TEX14: variants seen among roughly 807,000 people sequenced by gnomAD.
TEX14 encodes the protein testis expressed 14, intercellular bridge forming factor.
TEX14 carries 168 observed loss-of-function variants against 178.6 expected under a neutral mutation model. The observed-to-expected ratio is 0.94, with a 90% CI of 0.83 to 1.07. The LOEUF is 1.07. Ranked by LOEUF, TEX14 falls within the 50% of genes least tolerant of loss-of-function variation. The pLI is 0.00. For missense variants in TEX14, 1,730 were observed against 1,753.6 expected (o/e 0.99, Z 0.24); for synonymous variants, 626 against 634.1 (o/e 0.99, Z 0.19).
intron 26 of TEX14, among the ~76,000 whole-genome samples, chr17:58,567,111 G>A (rs1287774466): frequency 6.6e-6 from 1 of 152,196 alleles, no homozygotes; most frequent in Non-Finnish European, 1.5e-5. Flanking sequence ...AGGTTGCAGT[G>A]AGCTGAGATC....
chr17:58,573,137 G>T (rs1218901774), intron 23 of TEX14, 44 bp downstream of exon 23: 2 of 1,608,048 alleles, frequency 1.2e-6, no homozygotes, highest in Non-Finnish European at 1.7e-6. Context: ...ATGGGCTGGG[G>T]CTGTAAGTCC....
chr17:58,607,784 C>T (rs1447328782), intron 10 of TEX14, among the ~76,000 whole-genome samples: 1 of 152,240 alleles, frequency 6.6e-6, no homozygotes, highest in East Asian at 1.9e-4. Context: ...GTCAACCCTG[C>T]TCTGAACCAT....
intron 19 of TEX14, among the ~76,000 whole-genome samples, chr17:58,582,899 CT>C: frequency 6.6e-6 from 1 of 151,594 alleles, no homozygotes; most frequent in East Asian, 1.9e-4. Flanking sequence ...TGCTCCACCC[CT>C]TTTTTCCTGC....
rs1429852711 is a variant in TEX14, at chr17:58,602,584, A to G, written c.1343T>C (p.Ile448Thr). Reference sequence around the variant, plus strand: ...TGAGCCATCTAAGCCCTTCCAGGGTATGTCATCTGTAAGGAAAAAGTCATA... The same window carrying G: ...TGAGCCATCTAAGCCCTTCCAGGGTGTGTCATCTGTAAGGAAAAAGTCATA... ...MIMQEILTDD[I>T]PWKGLDGSVV... is the part of the protein sequence containing the mutation. Residue 448 changes from isoleucine to threonine, a missense_variant, in exon 12 of 32, where the codon ATA becomes ACA. Physicochemically the swap from Ile to Thr is moderately conservative, Grantham distance 89. Transcript: ENST00000349033. 3.1e-6 allele frequency: 5 copies of G among 1,609,714 alleles called. No individual in the cohort carries two copies. The highest frequency in any genetic ancestry group is 4.2e-6 in the Non-Finnish European group (5 of 1,177,838).
chr17:58,586,530 G>A (rs1459742645), intron 17 of TEX14, among the ~76,000 whole-genome samples: 2 of 152,110 alleles, frequency 1.3e-5, no homozygotes, highest in Non-Finnish European at 2.9e-5. Context: ...AAACACTTCT[G>A]CTAATGTCAC....
At chr17:58,631,724 C>A (rs137999937) in intron 2 of TEX14, 1 of 147,494 alleles carries the variant, frequency 6.8e-6, no homozygotes, top group Non-Finnish European at 1.5e-5. Flanking sequence ...ACACTGCTAT[C>A]CCACTCGTGA....
At chr17:58,557,743 G>A (rs1432901234) in intron 31 of TEX14, 56 bp downstream of exon 31, 2 of 1,391,402 alleles carry the variant, frequency 1.4e-6, no homozygotes, top group Non-Finnish European at 2.0e-6. Context: ...TTTTAAGTCT[G>A]CTTCTGTTGT....
At chr17:58,589,713 C>A (rs1296635638) in intron 15 of TEX14, among the ~76,000 whole-genome samples, 20 of 150,180 alleles carry the variant, frequency 1.3e-4, no homozygotes, top group Non-Finnish European at 2.2e-4. Flanking sequence ...AAATAAAATT[C>A]TTTTGGAGAT....
intron 1 of TEX14, among the ~76,000 whole-genome samples, chr17:58,670,179 T>C (rs1007650227): frequency 6.6e-6 from 1 of 152,212 alleles, no homozygotes; most frequent in Non-Finnish European, 1.5e-5. Context: ...TTAGTCTTTA[T>C]CTTCAGTCCA....
intron 2 of TEX14, among the ~76,000 whole-genome samples, chr17:58,647,614 CAAAAAAA>C (rs67832814): frequency 8.7e-6 from 1 of 115,348 alleles, no homozygotes; most frequent in South Asian, 2.6e-4. Flanking sequence ...TGAGGTCAGG[CAAAAAAA>C]AAAAAAAAAA....
chr17:58,606,576 G>A (rs2045612087), intron 10 of TEX14, among the ~76,000 whole-genome samples: 4 of 152,098 alleles, frequency 2.6e-5, no homozygotes, highest in South Asian at 2.1e-4. Flanking sequence ...TAGTTATATT[G>A]CTGAAAAGTC....
intron 1 of TEX14, among the ~76,000 whole-genome samples, chr17:58,690,848 G>T (rs2047694723): frequency 6.6e-6 from 1 of 152,092 alleles, no homozygotes; most frequent in Admixed American, 6.6e-5. Flanking sequence ...TTGAATCTTG[G>T]CTTTAAGAAA....
chr17:58,645,868 C>G (rs1483435164), intron 2 of TEX14, among the ~76,000 whole-genome samples: 1 of 152,198 alleles, frequency 6.6e-6, no homozygotes, highest in African/African-American at 2.4e-5. Context: ...TATAAAATAA[C>G]ATAGTATTTG....
chr17:58,631,877 C>G (rs1027669316), intron 2 of TEX14: 2 of 152,194 alleles, frequency 1.3e-5, no homozygotes, highest in African/African-American at 4.8e-5. Context: ...AAGAAACTCA[C>G]ACATATTATG....
chr17:58,584,543 T>A lies in TEX14; in HGVS notation c.3128A>T (p.Gln1043Leu). Reference protein sequence around the residue: ...KEQPEHSEAFQASSDTLVAVE... With the variant: ...KEQPEHSEAFLASSDTLVAVE... Reference sequence around the variant, plus strand: ...AGCCACCAATGTGTCAGAACTTGCTTGGAAGGCTTCACTATGCTCTGGTTG... The same window carrying A: ...AGCCACCAATGTGTCAGAACTTGCTAGGAAGGCTTCACTATGCTCTGGTTG... Residue 1043 changes from glutamine (Q) to leucine (L), a missense_variant, in exon 19 of 32, where the codon CAA becomes CTA. By Grantham distance (113) the Gln-to-Leu change is moderately radical (BLOSUM62 -2). Around this residue, in one of 2 missense-constraint regions of TEX14, gnomAD observed 941 missense variants for 1,072.4 expected, o/e 0.88. Transcript: ENST00000349033. The A allele has an allele frequency of 6.2e-7, 1 of 1,614,200 alleles. No homozygotes were observed. Among genetic ancestry groups the A allele is most frequent in the Non-Finnish European group, 8.5e-7 (1 of 1,180,032 alleles).
rs1186997290 is a variant in TEX14, at chr17:58,587,680, GT to G, written c.2703-15del. The stretch of plus-strand genomic sequence containing the variant: ...TCCACACTCATCCTGAATTGCACGG[GT>G]TTTTTGGAGGTAGGGGGAGCGGGGT... On this transcript the variant is annotated splice_polypyrimidine_tract_variant and intron_variant, in intron 16 of 31. Transcript: ENST00000349033. 5.1e-6 allele frequency: 8 copies of G among 1,582,068 alleles called. No individual in the cohort carries two copies. The highest frequency in any genetic ancestry group is 6.9e-6 in the Non-Finnish European group (8 of 1,159,218).
Position 58,622,995 on chromosome 17 carries a change from C to T in TEX14, c.269G>A (p.Ser90Asn). 1.3e-6 allele frequency: 2 copies of T among 1,598,200 alleles called. No homozygotes were observed. Among genetic ancestry groups the T allele is most frequent in the East Asian group, 2.2e-5 (1 of 44,476 alleles). ...SDPNHRCFDG[S>N]TPVHAAAFSG... ...AAATGCTGCTGCATGGACAGGGGTG[C>T]TCCCATCAAAGCAGCGGCTGGGGAG... Residue 90 changes from serine to asparagine, a missense_variant, in exon 4 of 32, where the codon AGC becomes AAC. Around this residue, in one of 2 missense-constraint regions of TEX14, gnomAD observed 789 missense variants for 681.2 expected, o/e 1.16. Transcript: ENST00000349033.
chr17:58,661,444 G>A (rs1161842869), intron 1 of TEX14: 4 of 794,518 alleles, frequency 5.0e-6, no homozygotes. Context: ...TGGCAACCTT[G>A]TCAAGGAGGT....
chr17:58,559,152 A>G (rs560202337), intron 30 of TEX14, among the ~76,000 whole-genome samples: 2 of 152,188 alleles, frequency 1.3e-5, no homozygotes, highest in African/African-American at 2.4e-5. Flanking sequence ...CCTGGGCAAC[A>G]AGAGTGAAAC....
Sources: allele counts gnomAD v4.1 joint callset (sites outside exome capture counted in the v4.1 genomes callset), GRCh38; gene constraint gnomAD v4.1.1; regional missense constraint gnomAD v4.1.1; transcripts MANE v1.5; gene names NCBI Gene and HGNC (gene_info 2026-07-23, HGNC 2026-07-21).